Variants in GABRA3 observed in about 807,000 individuals in gnomAD.
The protein encoded by GABRA3 is gamma-aminobutyric acid receptor subunit alpha-3.
A neutral mutation model predicts 30.1 loss-of-function variants in GABRA3; 10 were observed. That is an observed-to-expected ratio of 0.33 (90% CI 0.20 to 0.56). The LOEUF (loss-of-function observed/expected upper bound fraction) is 0.56. GABRA3 is among the 20% of genes least tolerant of loss of function. The pLI, the probability that GABRA3 is intolerant of heterozygous loss-of-function variation, is 0.89. For missense variants in GABRA3, 233 were observed against 392.0 expected (o/e 0.59, Z 3.42); for synonymous variants, 151 against 146.8 (o/e 1.03, Z -0.21).
At chrX:152,220,269 A>G (rs1256143581) in intron 6 of GABRA3, among the ~76,000 whole-genome samples, 3 of 111,867 alleles carry the variant, frequency 2.7e-5, no homozygotes, top group Non-Finnish European at 5.7e-5. Context: ...AAGACTTTTA[A>G]CAGCACATAT....
At chrX:152,211,672 T>C (rs752755469) in intron 6 of GABRA3, among the ~76,000 whole-genome samples, 4 of 111,817 alleles carry the variant, frequency 3.6e-5, no homozygotes, top group Non-Finnish European at 5.6e-5. Flanking sequence ...CACAATTTAC[T>C]TGGGGAGACA....
chrX:152,185,165 AATTTTTTTCTGTTG>A (rs1414559134), intron 9 of GABRA3, among the ~76,000 whole-genome samples: 1 of 111,438 alleles, frequency 9.0e-6, no homozygotes, highest in Non-Finnish European at 1.9e-5. Flanking sequence ...ATGCACTTCA[AATTTTTTTCTGTTG>A]ATCTCACTAT....
intron 3 of GABRA3, among the ~76,000 whole-genome samples, chrX:152,327,873 G>A (rs909928671): frequency 4.5e-5 from 5 of 111,607 alleles, no homozygotes; most frequent in African/African-American, 1.6e-4. Context: ...GGAGGAGATA[G>A]AGACACAAAA....
At chrX:152,420,533 G>A (rs1930348245) in intron 1 of GABRA3, among the ~76,000 whole-genome samples, 1 of 110,232 alleles carries the variant, frequency 9.1e-6, no homozygotes, top group African/African-American at 3.3e-5. Context: ...CATAATAAAT[G>A]GACAGATATA....
intron 3 of GABRA3, among the ~76,000 whole-genome samples, chrX:152,295,401 T>C (rs1939508407): frequency 8.8e-6 from 1 of 113,047 alleles, no homozygotes; most frequent in African/African-American, 3.2e-5. Context: ...GCCTCACCAA[T>C]GGCAGATGCC....
chrX:152,415,384 T>G (rs1930184930), intron 1 of GABRA3, among the ~76,000 whole-genome samples: 1 of 111,334 alleles, frequency 9.0e-6, no homozygotes, highest in African/African-American at 3.3e-5. Context: ...AGTATATAAT[T>G]ACAATTATGT....
intron 1 of GABRA3, among the ~76,000 whole-genome samples, chrX:152,445,515 T>A (rs10218139): frequency 0.26 from 28,196 of 110,422 alleles, 3,104 homozygotes; most frequent in East Asian, 0.44. Flanking sequence ...GAATAAAAAA[T>A]GGAAGGTGCA....
Position 152,248,107 on chromosome X carries a change from C to T in GABRA3, c.551+7671G>A, listed in dbSNP as rs182986107. On this transcript the variant is annotated intron_variant, in intron 5 of 9. Transcript: ENST00000370314. ...CTTCTTCCACTCTCACTTCTCACTG[C>T]CTTTTCTTGGACCTCTGTCATTCCT... Among the ~76,000 whole-genome samples the T allele has an allele frequency of 1.3e-4, 14 of 110,924 alleles. No homozygotes were observed. In the Admixed American group the frequency reaches 1.3e-3, roughly 11 times the overall value.
rs1435892169 is a variant in GABRA3, at chrX:152,167,359, T to A, written c.*869A>T. ...CTCTCCCATATTTTAAAAAAATGTT[T>A]TTTTTAAATCTAGATCACTTTGTTT... On this transcript the variant is annotated 3_prime_UTR_variant, in exon 10 of 10. Coordinates refer to ENST00000370314, the MANE Select transcript of GABRA3 (RefSeq NM_000808.4). 8.9e-6 allele frequency: 1 copy of A among 112,445 alleles called. No homozygotes were observed. Among genetic ancestry groups the A allele is most frequent in the Non-Finnish European group, 1.9e-5 (1 of 53,343 alleles). 9.3% of individuals were successfully genotyped at this position (112,445 alleles called of 1,213,427 possible).
At chrX:152,191,143 A>C (rs1472285781) in intron 8 of GABRA3, among the ~76,000 whole-genome samples, 1 of 110,558 alleles carries the variant, frequency 9.0e-6, no homozygotes, top group East Asian at 2.8e-4. Context: ...TCATTCCATA[A>C]ATAGTAGCTT....
intron 3 of GABRA3, among the ~76,000 whole-genome samples, chrX:152,335,135 C>T (rs1940215286): frequency 9.0e-6 from 1 of 111,582 alleles, no homozygotes; most frequent in African/African-American, 3.3e-5. Context: ...CTCAAGTTCT[C>T]TTGATCTGGC....
intron 1 of GABRA3, among the ~76,000 whole-genome samples, chrX:152,401,435 T>C (rs1042723730): frequency 2.7e-5 from 3 of 110,743 alleles, no homozygotes; most frequent in African/African-American, 9.9e-5. Flanking sequence ...CCATTCATTA[T>C]CAGATTTTAT....
At chrX:152,356,137 T>C (rs1162934942) in intron 2 of GABRA3, among the ~76,000 whole-genome samples, 2 of 111,925 alleles carry the variant, frequency 1.8e-5, no homozygotes, top group South Asian at 3.7e-4. Flanking sequence ...AGGAACTGTG[T>C]CCCCAAAGAT....
chrX:152,414,717 A>G (rs1930162443), intron 1 of GABRA3, among the ~76,000 whole-genome samples: 1 of 110,790 alleles, frequency 9.0e-6, no homozygotes, highest in African/African-American at 3.3e-5. Flanking sequence ...TTTATTTACA[A>G]GCAAAAGCCT....
intron 7 of GABRA3, among the ~76,000 whole-genome samples, chrX:152,202,576 TAGAG>T (rs908043996): frequency 2.7e-5 from 3 of 111,568 alleles, no homozygotes; most frequent in Non-Finnish European, 5.6e-5. Context: ...ATATAAAGAA[TAGAG>T]AGACAACAAT....
intron 4 of GABRA3, among the ~76,000 whole-genome samples, chrX:152,263,542 A>G (rs1263413116): frequency 9.0e-6 from 1 of 110,762 alleles, no homozygotes; most frequent in African/African-American, 3.3e-5. Context: ...AGACAAAAGT[A>G]AAAGGAATAA....
At chrX:152,445,343 G>T (rs9306739) in intron 1 of GABRA3, among the ~76,000 whole-genome samples, 19,726 of 110,240 alleles carry the variant, frequency 0.18, 1,352 homozygotes, top group East Asian at 0.38. Context: ...CACCTTGTGT[G>T]TATTTAACAG....
chrX:152,278,964 T>C (rs1319529313), intron 4 of GABRA3, among the ~76,000 whole-genome samples: 2 of 112,023 alleles, frequency 1.8e-5, no homozygotes, highest in Admixed American at 9.5e-5. Flanking sequence ...GTTGTTTGTT[T>C]TTTTCTTGTA....
intron 3 of GABRA3, among the ~76,000 whole-genome samples, chrX:152,315,968 C>CGGG (rs1939868917): frequency 5.7e-5 from 2 of 34,963 alleles, no homozygotes; most frequent in Admixed American, 4.0e-4. Flanking sequence ...GGCCCGCCCC[C>CGGG]CGACCCCCCC....
Sources: gnomAD v4.1 joint callset for allele counts (sites outside exome capture counted in the v4.1 genomes callset) on GRCh38, gnomAD v4.1.1 for gene constraint, MANE v1.5 for transcripts, NCBI Gene and HGNC (gene_info 2026-07-23, HGNC 2026-07-21) for gene names.